PRCC: variants seen among roughly 807,000 people sequenced by gnomAD.
PRCC encodes the protein proline rich mitotic checkpoint control factor, also known as proline-rich protein PRCC.
A neutral mutation model predicts 44.0 loss-of-function variants in PRCC; 10 were observed. The observed-to-expected ratio is 0.23, with a 90% CI of 0.14 to 0.39. PRCC has a LOEUF of 0.39. PRCC is among the 10% of genes least tolerant of loss of function. PRCC has a pLI of 1.00. For missense variants in PRCC, 573 were observed against 624.7 expected, an observed-to-expected ratio of 0.92 and a Z score of 0.88; for synonymous variants, 278 against 259.5, an observed-to-expected ratio of 1.07 and a Z score of -0.69.
At chr1:156,793,077 A>G (rs1425269053) in intron 4 of PRCC, among the ~76,000 whole-genome samples, 3 of 152,148 alleles carry the variant, frequency 2.0e-5, no homozygotes, top group East Asian at 3.8e-4. Context: ...AGGGGGTGCT[A>G]CCTCACCATG....
At chr1:156,781,020 G>T (rs147975685) in intron 1 of PRCC, among the ~76,000 whole-genome samples, 3 of 152,100 alleles carry the variant, frequency 2.0e-5, no homozygotes, top group African/African-American at 7.2e-5. Flanking sequence ...GAGCCACTGC[G>T]CCCGGCCTTA....
At chr1:156,794,830 A>G in intron 5 of PRCC, 22 bp downstream of exon 5, 1 of 1,613,674 alleles carries the variant, frequency 6.2e-7, no homozygotes, top group Non-Finnish European at 8.5e-7. Flanking sequence ...ACGTCTATTG[A>G]GTGGTCAGCT....
chr1:156,784,976 G>A (rs752148378), intron 2 of PRCC, among the ~76,000 whole-genome samples: 8 of 151,886 alleles, frequency 5.3e-5, no homozygotes, highest in Non-Finnish European at 1.2e-4. Flanking sequence ...CTTGGGTAGG[G>A]TAGGGGACTT....
chr1:156,797,879 C>T (rs2777929), intron 6 of PRCC, among the ~76,000 whole-genome samples: 29,788 of 152,114 alleles, frequency 0.2, 3,443 homozygotes, highest in Non-Finnish European at 0.26. Context: ...ACAGTTGACC[C>T]TTGACCAACA....
At chr1:156,797,190 C>A (rs1287166584) in intron 5 of PRCC, 86 bp from the exon 6 acceptor site, 3 of 1,544,762 alleles carry the variant, frequency 1.9e-6, no homozygotes, top group Admixed American at 3.4e-5. Flanking sequence ...ATTGGCTTCT[C>A]AGCCCCTAAC....
chr1:156,783,122 T>C (rs1239084513), intron 2 of PRCC, among the ~76,000 whole-genome samples: 1 of 152,026 alleles, frequency 6.6e-6, no homozygotes, highest in East Asian at 1.9e-4. Context: ...CAGGCTGGTC[T>C]CAAACTCCCG....
rs76271348 is a variant in PRCC at position 156,774,157 on chromosome 1, C to CTTTTTTT, written c.468+5948_468+5954dup. ...GAGTTTCTTTCTTTTTTTGAGTCAC[C>CTTTTTTT]TTTTTTTTTTTTTTTTTTTTTTTTT... On this transcript the variant is annotated intron_variant, in intron 1 of 6. Coordinates refer to ENST00000271526, the MANE Select transcript of PRCC (RefSeq NM_005973.5). Among the ~76,000 whole-genome samples, 28 of 53,996 alleles carry CTTTTTTT rather than the reference C, an allele frequency of 5.2e-4. 6 individuals are homozygous for CTTTTTTT. The highest frequency in any genetic ancestry group is 2.5e-3 in the East Asian group (3 of 1,196). 35.4% of individuals were successfully genotyped at this position (53,996 alleles called of 152,430 possible).
chr1:156,767,593 G>T lies in PRCC; in HGVS notation c.-179G>T, dbSNP rs1292036310. 6.2e-6 allele frequency: 4 copies of T among 644,012 alleles called. No individual in the cohort carries two copies. In the African/African-American group the frequency reaches 7.3e-5, roughly 12 times the overall value. 39.9% of individuals were successfully genotyped at this position (644,012 alleles called of 1,614,324 possible). ...GAGCTTAAGTGAAGAGGTACGCCTTGTTCGGTGGAAATCAGCCGTAGCCAT... is the reference window on the plus strand; with the variant it reads ...GAGCTTAAGTGAAGAGGTACGCCTTTTTCGGTGGAAATCAGCCGTAGCCAT... On this transcript the variant is annotated 5_prime_UTR_variant, in exon 1 of 7. Coordinates refer to ENST00000271526, the MANE Select transcript of PRCC (RefSeq NM_005973.5).
intron 6 of PRCC, among the ~76,000 whole-genome samples, chr1:156,799,134 G>A (rs1008562717): frequency 1.1e-4 from 17 of 152,248 alleles, no homozygotes; most frequent in Admixed American, 2.0e-4. Context: ...ATGGCACCAT[G>A]TATGATCTGT....
chr1:156,782,180 A>G (rs1571582094), intron 1 of PRCC, 102 bp from the exon 2 acceptor site: 3 of 1,064,884 alleles, frequency 2.8e-6, no homozygotes, highest in East Asian at 2.5e-5. Context: ...GGGCACAGAC[A>G]AGATGGCCAC....
At position 156,791,781 on chromosome 1, in the gene PRCC, G is replaced by A. The variant is rs1416593753; in HGVS notation, c.1168G>A (p.Asp390Asn). 9 of 1,613,218 alleles carry A rather than the reference G, an allele frequency of 5.6e-6. No homozygotes were observed. Among genetic ancestry groups the A allele is most frequent in the East Asian group, 2.2e-5 (1 of 44,842 alleles). Residue 390 changes from aspartate (D) to asparagine (N), a missense_variant, in exon 4 of 7, where the codon GAT becomes AAT. Asp to Asn is a conservative substitution (Grantham distance 23). Around this residue, in one of 4 missense-constraint regions of PRCC, gnomAD observed 69 missense variants for 139.3 expected, o/e 0.50. Coordinates refer to ENST00000271526, the MANE Select transcript of PRCC (RefSeq NM_005973.5). ...AATTGCCCCAGATGCCTCCTTCATC[G>A]ATGACGAAGCAGTAAGTTAAGAAAG... is the stretch of plus-strand genomic sequence containing the variant. ...QEIAPDASFI[D>N]DEAFKRLQGK...
rs959089845 is a variant in PRCC, at chr1:156,767,938, A to T, written c.167A>T (p.Gln56Leu). The change falls in exon 1 of 7, where the codon CAG becomes CTG. Residue 56 changes from glutamine to leucine, a missense_variant. Gln to Leu is a moderately radical substitution (Grantham distance 113). Around this residue, in one of 4 missense-constraint regions of PRCC, gnomAD observed 245 missense variants for 188.5 expected, o/e 1.30. Transcript: ENST00000271526. ...CCGGCCTTGCTGCCTCCGCCCCCTC[A>T]GATGCTGGCGCCAGCCTTTCCCCCG... ...KGPALLPPPP[Q>L]MLAPAFPPPL... 6.3e-7 allele frequency: 1 copy of T among 1,589,174 alleles called. No homozygotes were observed.
rs1389270014 is a variant in PRCC at position 156,794,757 on chromosome 1, A to G, written c.1272A>G (p.Gln424=). 8 of 1,614,082 alleles carry G rather than the reference A, an allele frequency of 5.0e-6. No individual in the cohort carries two copies. Among genetic ancestry groups the G allele is most frequent in the South Asian group, 1.1e-5 (1 of 91,090 alleles). ...ATGACCAGCTCAGTGGGGCCCAGCA[A>G]TGGATGACTAAGTCATTGACAGAAG... ...KGDDQLSGAQ[Q]WMTKSLTEEK... is the part of the protein sequence containing the mutation. Residue 424 remains glutamine (Q), a synonymous_variant, in exon 5 of 7, where the codon CAA becomes CAG. Coordinates refer to ENST00000271526, the MANE Select transcript of PRCC (RefSeq NM_005973.5).
At chr1:156,779,170 C>A in intron 1 of PRCC, among the ~76,000 whole-genome samples, 1 of 73,680 alleles carries the variant, frequency 1.4e-5, no homozygotes, top group Non-Finnish European at 2.4e-5. Flanking sequence ...CTTTTTTTCT[C>A]CTGAGATAGG....
Position 156,767,677 on chromosome 1 carries a change from C to T in PRCC, c.-95C>T, listed in dbSNP as rs1651445589. The stretch of plus-strand genomic sequence containing the variant: ...GCAGGCGGACTTTTCGGTTCCCCGC[C>T]CCGCCAGGTGGCGGGGCCTACTAGG... On this transcript the variant is annotated 5_prime_UTR_variant, in exon 1 of 7. Transcript: ENST00000271526. 2.7e-5 allele frequency: 36 copies of T among 1,325,682 alleles called. No homozygotes were observed. In the South Asian group the frequency reaches 5.2e-4, roughly 19 times the overall value. 82.1% of individuals were successfully genotyped at this position (1,325,682 alleles called of 1,614,324 possible).
Position 156,767,689 on chromosome 1 carries a change from C to T in PRCC, c.-83C>T, listed in dbSNP as rs2102747302. 2.2e-6 allele frequency: 3 copies of T among 1,384,738 alleles called. No individual in the cohort carries two copies. The highest frequency in any genetic ancestry group is 2.8e-5 in the Admixed American group (1 of 35,772). 85.8% of individuals were successfully genotyped at this position (1,384,738 alleles called of 1,614,324 possible). ...TTCGGTTCCCCGCCCCGCCAGGTGG[C>T]GGGGCCTACTAGGCCTCCGGGCATC... On this transcript the variant is annotated 5_prime_UTR_variant, in exon 1 of 7. Transcript: ENST00000271526.
rs1553253009 is a variant in PRCC, at chr1:156,783,960, T to TTG, written c.516+1631_516+1632insTG. On this transcript the variant is annotated intron_variant, in intron 2 of 6. Transcript: ENST00000271526. ...TTTATTTATTTAATTTTTTTTTTTT[T>TTG]GGGGGGGACGGAGTCTCGCTCTACC... Among the ~76,000 whole-genome samples the TTG allele has an allele frequency of 7.0e-3, 1,044 of 150,124 alleles. 7 individuals are homozygous for TTG. Among genetic ancestry groups the TTG allele is most frequent in the Non-Finnish European group, 0.01 (702 of 67,318 alleles).
At chr1:156,797,364 G>A (rs1652691234) in intron 6 of PRCC, 23 bp downstream of exon 6, 2 of 1,613,938 alleles carry the variant, frequency 1.2e-6, no homozygotes, top group Non-Finnish European at 1.7e-6. Flanking sequence ...TGAGGGCTCT[G>A]GCTCAGGCAG....
Position 156,791,725 on chromosome 1 carries a change from C to T in PRCC, c.1112C>T (p.Ala371Val). Reference sequence around the variant, plus strand: ...TATTACAGTGGTGGCTACTATCCTGCACAGGACCCGGCCCTGGTCCCCCCC... The same window carrying T: ...TATTACAGTGGTGGCTACTATCCTGTACAGGACCCGGCCCTGGTCCCCCCC... Reference protein sequence around the residue: ...QDYYSGGYYPAQDPALVPPQE... With the variant: ...QDYYSGGYYPVQDPALVPPQE... The change falls in exon 4 of 7, where the codon GCA becomes GTA. Residue 371 changes from alanine (A) to valine (V), a missense_variant. Ala to Val is a moderately conservative substitution (Grantham distance 64, BLOSUM62 0). Around this residue, in one of 4 missense-constraint regions of PRCC, gnomAD observed 141 missense variants for 130.2 expected, o/e 1.08. Transcript: ENST00000271526. The T allele has an allele frequency of 6.2e-7, 1 of 1,613,894 alleles. No homozygotes were observed.
Sources: allele counts gnomAD v4.1 joint callset (sites outside exome capture counted in the v4.1 genomes callset), GRCh38; gene constraint gnomAD v4.1.1; regional missense constraint gnomAD v4.1.1; transcripts MANE v1.5; gene names NCBI Gene and HGNC (gene_info 2026-07-23, HGNC 2026-07-21).